UBE2D4: variants seen among roughly 807,000 people sequenced by gnomAD.
The protein encoded by UBE2D4 is ubiquitin conjugating enzyme E2 D4.
Under a neutral mutation model 23.0 loss-of-function variants are expected in UBE2D4, and 17 were observed. The observed-to-expected ratio is 0.74, with a 90% confidence interval of 0.51 to 1.11. The LOEUF is 1.11. Ranked by LOEUF, UBE2D4 falls within the 50% of genes least tolerant of loss-of-function variation. The pLI, the probability that UBE2D4 is intolerant of heterozygous loss-of-function variation, is 0.00. For synonymous variants in UBE2D4, 61 were observed against 69.4 expected (o/e 0.88, Z 0.60); for missense variants, 139 against 181.8 (o/e 0.76, Z 1.35).
In UBE2D4 at chr7:43,951,414, TTG is replaced by T. The variant is rs1585891310; in HGVS notation, c.398+725_398+726del. Among the ~76,000 whole-genome samples, 3 of 152,298 alleles carry T rather than the reference TTG, an allele frequency of 2.0e-5. No homozygotes were observed. The East Asian group carries it at 5.8e-4, about 29-fold the overall frequency. On this transcript the variant is annotated intron_variant, in intron 6 of 6. Transcript: ENST00000222402. ...GTCCAGTGAGTGGTGTGAATCTCAG[TTG>T]TGGACCTTCAGGGAAGGTATTGCTA...
chr7:43,938,460 T>G lies in UBE2D4; in HGVS notation c.54T>G (p.Pro18=), dbSNP rs763037618. The change falls in exon 2 of 7, where the codon CCT becomes CCG. Residue 18 remains proline, a synonymous_variant. Transcript: ENST00000222402. Reference sequence around the variant, plus strand: ...TAACCGACTTGCAGAGGGATCCTCCTGCCCAGTGTTCTGCAGGACCTGTCG... The same window carrying G: ...TAACCGACTTGCAGAGGGATCCTCCGGCCCAGTGTTCTGCAGGACCTGTCG... ...KELTDLQRDP[P]AQCSAGPVGD... is the part of the protein sequence containing the mutation. 6 of 1,614,060 alleles carry G rather than the reference T, an allele frequency of 3.7e-6. No homozygotes were observed.
At chr7:43,948,062 G>A (rs1432887777) in intron 4 of UBE2D4, among the ~76,000 whole-genome samples, 2 of 152,174 alleles carry the variant, frequency 1.3e-5, no homozygotes, top group Non-Finnish European at 2.9e-5. Flanking sequence ...TTACAAATAT[G>A]TTTAAGTTCT....
rs2096009211 is a variant in UBE2D4 at position 43,954,333 on chromosome 7, T to A, written c.*1638T>A. 6.7e-6 allele frequency: 1 copy of A among 148,890 alleles called. No individual in the cohort carries two copies. Among genetic ancestry groups the A allele is most frequent in the Admixed American group, 6.9e-5 (1 of 14,592 alleles). 9.2% of individuals were successfully genotyped at this position (148,890 alleles called of 1,614,324 possible). On this transcript the variant is annotated 3_prime_UTR_variant, in exon 7 of 7. Transcript: ENST00000222402. ...CCCAGGCTGGAGTGCAGTGGTGCGA[T>A]CTTGGCTCACTGCAACCTCTGCCTC...
At position 43,932,983 on chromosome 7, in the gene UBE2D4, AGTATATATATATATAT is replaced by A. The variant is rs1212374025; in HGVS notation, c.25-5447_25-5432del. 7.0e-5 allele frequency among the ~76,000 whole-genome samples: 4 copies of A among 56,754 alleles called. No homozygotes were observed. In the East Asian group the frequency reaches 2.4e-3, roughly 33 times the overall value. 37.2% of individuals were successfully genotyped at this position (56,754 alleles called of 152,430 possible). ...CCCTCCTGGGGGCAACAAATGTTAAAGTATATATATATATATATATATATATATATACACACACATA... is the reference window on the plus strand; with the variant it reads ...CCCTCCTGGGGGCAACAAATGTTAAAATATATATATATATACACACACATA... On this transcript the variant is annotated intron_variant, in intron 1 of 6. Coordinates refer to ENST00000222402, the MANE Select transcript of UBE2D4 (RefSeq NM_015983.4).
chr7:43,933,876 G>A (rs907963845), intron 1 of UBE2D4, among the ~76,000 whole-genome samples: 3 of 152,120 alleles, frequency 2.0e-5, no homozygotes, highest in African/African-American at 7.2e-5. Context: ...TGTCAGCCAG[G>A]TTACCTTCAC....
intron 3 of UBE2D4, 39 bp downstream of exon 3, chr7:43,942,896 T>A: frequency 6.2e-7 from 1 of 1,614,210 alleles, no homozygotes; most frequent in Non-Finnish European, 8.5e-7. Context: ...CCAGTTTTGC[T>A]TCTTGCACTT....
At chr7:43,943,311 C>T in intron 4 of UBE2D4, 1 of 553,232 alleles carries the variant, frequency 1.8e-6, no homozygotes, top group South Asian at 2.2e-5. Flanking sequence ...GGTCATGTCT[C>T]CAGGCTCTGG....
rs1408964412 is a variant in UBE2D4, at chr7:43,944,567, A to G, written c.198+1536A>G. 6.6e-6 allele frequency: 1 copy of G among 152,260 alleles called. No individual in the cohort carries two copies. The highest frequency in any genetic ancestry group is 1.5e-5 in the Non-Finnish European group (1 of 68,052). The allele number at this position is 152,260 out of a possible 1,614,324, so 9.4% of individuals were successfully genotyped here. A position where few individuals can be genotyped will look rare whatever the true frequency, so the allele number is the denominator to read the frequency against. On this transcript the variant is annotated intron_variant, in intron 4 of 6. Coordinates refer to ENST00000222402, the MANE Select transcript of UBE2D4 (RefSeq NM_015983.4). This position sits in a 1 kb window ranked among gnomAD's most constrained non-coding sequence, Gnocchi z 4.0. ...GTGCTCACCAGCTGCAGCTCTGTCC[A>G]GACATCGCCACCAGAGGCTACCTGG...
chr7:43,934,920 C>T (rs2095955241), intron 1 of UBE2D4, among the ~76,000 whole-genome samples: 2 of 152,020 alleles, frequency 1.3e-5, no homozygotes, highest in Admixed American at 1.3e-4. Flanking sequence ...AGTGGTGCTC[C>T]TTCTTAGAAT....
At chr7:43,930,128 A>T (rs903102677) in intron 1 of UBE2D4, among the ~76,000 whole-genome samples, 2 of 152,206 alleles carry the variant, frequency 1.3e-5, no homozygotes, top group African/African-American at 4.8e-5. Flanking sequence ...AGCCCAGCAG[A>T]TCTTTTTTTC....
Position 43,952,660 on chromosome 7 carries a change from C to A in UBE2D4, c.409C>A (p.Leu137Ile). Residue 137 changes from leucine (L) to isoleucine (I), a missense_variant, in exon 7 of 7, where the codon CTA becomes ATA. Coordinates refer to ENST00000222402, the MANE Select transcript of UBE2D4 (RefSeq NM_015983.4). ...GCTTTTTTATTCCAGGTACAACAGA[C>A]TAGCAAGAGAGTGGACACAAAAATA... Reference protein sequence around the residue: ...YKADREKYNRLAREWTQKYAM With the variant: ...YKADREKYNRIAREWTQKYAM The A allele has an allele frequency of 6.2e-7, 1 of 1,613,820 alleles. No individual in the cohort carries two copies. Among genetic ancestry groups the A allele is most frequent in the East Asian group, 2.2e-5 (1 of 44,876 alleles).
Position 43,952,756 on chromosome 7 carries a change from T to G in UBE2D4, c.*61T>G. The stretch of plus-strand genomic sequence containing the variant: ...AGAAGCTGGCAGAGAGGTCTTCCCT[T>G]AAAACTTTGGGCTGTTGGCTGAGCC... On this transcript the variant is annotated 3_prime_UTR_variant, in exon 7 of 7. Coordinates refer to ENST00000222402, the MANE Select transcript of UBE2D4 (RefSeq NM_015983.4). 6.9e-7 allele frequency: 1 copy of G among 1,452,774 alleles called. No individual in the cohort carries two copies. The highest frequency in any genetic ancestry group is 9.7e-7 in the Non-Finnish European group (1 of 1,033,748). The allele number at this position is 1,452,774 out of a possible 1,614,324, so 90.0% of individuals were successfully genotyped here.
intron 5 of UBE2D4, among the ~76,000 whole-genome samples, chr7:43,949,937 C>T (rs2095998060): frequency 6.6e-6 from 1 of 152,124 alleles, no homozygotes; most frequent in Non-Finnish European, 1.5e-5. Flanking sequence ...TCACTGCAAC[C>T]TCCACCTCCC....
At chr7:43,926,694 C>A in intron 1 of UBE2D4, 138 bp downstream of exon 1, 1 of 914,402 alleles carries the variant, frequency 1.1e-6, no homozygotes, top group Non-Finnish European at 1.5e-6. Context: ...GGCAGAACAG[C>A]CTCCCGCGCA....
At chr7:43,943,155 A>G (rs1359848494) in intron 4 of UBE2D4, 124 bp downstream of exon 4, 9 of 925,630 alleles carry the variant, frequency 9.7e-6, no homozygotes, top group Middle Eastern at 2.2e-4. Flanking sequence ...CCACTGCTCC[A>G]CCCTGTGGTG....
At chr7:43,932,896 C>T (rs987133026) in intron 1 of UBE2D4, among the ~76,000 whole-genome samples, 3 of 100,820 alleles carry the variant, frequency 3.0e-5, no homozygotes, top group Non-Finnish European at 5.8e-5. Flanking sequence ...TTTTAAAAAA[C>T]TCATCTCTAG....
At chr7:43,926,887 G>A (rs1411718612) in intron 1 of UBE2D4, among the ~76,000 whole-genome samples, 1 of 152,250 alleles carries the variant, frequency 6.6e-6, no homozygotes, top group Non-Finnish European at 1.5e-5. Context: ...GGGTATCCAG[G>A]AAGAAGCTGG....
At chr7:43,934,965 GA>G (rs915180249) in intron 1 of UBE2D4, among the ~76,000 whole-genome samples, 33 of 148,304 alleles carry the variant, frequency 2.2e-4, no homozygotes, top group South Asian at 1.1e-3. Context: ...TCAACTCAGG[GA>G]AAAAAAAAAT....
At chr7:43,946,118 T>G (rs2095986560) in intron 4 of UBE2D4, 1 of 152,086 alleles carries the variant, frequency 6.6e-6, no homozygotes, top group South Asian at 2.1e-4. Context: ...GCCCCTGCGT[T>G]GGGGTCACTG....
Sources: gnomAD v4.1 joint callset for allele counts (sites outside exome capture counted in the v4.1 genomes callset) on GRCh38, gnomAD v4.1.1 for gene constraint, Gnocchi (gnomAD v3.1) non-coding constraint, MANE v1.5 for transcripts, NCBI Gene and HGNC (gene_info 2026-07-23, HGNC 2026-07-21) for gene names.